The following AHRR variants were observed in gnomAD, a reference collection of about 807,000 sequenced individuals.
AHRR encodes the protein aryl hydrocarbon receptor repressor.
AHRR carries 28 observed loss-of-function variants against 44.0 expected under a neutral mutation model. The ratio of observed to expected loss-of-function variants is 0.64; its 90% confidence interval spans 0.47 to 0.87. The LOEUF is 0.87. AHRR is among the 40% of genes least tolerant of loss of function. AHRR has a pLI of 0.00. For missense variants in AHRR, 990 were observed against 953.9 expected, an observed-to-expected ratio of 1.04 and a Z score of -0.50; for synonymous variants, 434 against 407.0, an observed-to-expected ratio of 1.07 and a Z score of -0.80.
chr5:340,073 T>C (rs10057272), intron 1 of AHRR, among the ~76,000 whole-genome samples: 6,296 of 152,284 alleles, frequency 0.041, 178 homozygotes, highest in South Asian at 0.059. Flanking sequence ...AAGTCGACAA[T>C]TTTAAATTTT....
chr5:356,348 G>A (rs1743045724), intron 3 of AHRR, among the ~76,000 whole-genome samples: 1 of 152,228 alleles, frequency 6.6e-6, no homozygotes. Flanking sequence ...ACACTGACCA[G>A]GAAGGGTCCA....
At chr5:345,968 C>T (rs960707358) in intron 2 of AHRR, among the ~76,000 whole-genome samples, 5 of 152,202 alleles carry the variant, frequency 3.3e-5, no homozygotes, top group Non-Finnish European at 5.9e-5. Context: ...CGGCCAAGGC[C>T]TCGCACTCTC....
intron 5 of AHRR, among the ~76,000 whole-genome samples, chr5:420,334 C>T (rs552885254): frequency 6.6e-6 from 1 of 152,334 alleles, no homozygotes; most frequent in African/African-American, 2.4e-5. Flanking sequence ...CCAACGAAGA[C>T]AATCCCCTGG....
At chr5:329,012 G>C (rs1484654422) in intron 1 of AHRR, among the ~76,000 whole-genome samples, 1 of 152,146 alleles carries the variant, frequency 6.6e-6, no homozygotes, top group Non-Finnish European at 1.5e-5. Context: ...GGAGAGACCT[G>C]GTGGGAAGTG....
chr5:340,566 ACC>A (rs1742292723), intron 1 of AHRR, among the ~76,000 whole-genome samples: 1 of 147,914 alleles, frequency 6.8e-6, no homozygotes, highest in Non-Finnish European at 1.5e-5. Context: ...TACCTTAATC[ACC>A]TATGAGGGTA....
intron 4 of AHRR, among the ~76,000 whole-genome samples, chr5:397,895 T>C (rs866046474): frequency 1.2e-4 from 8 of 66,062 alleles, no homozygotes; most frequent in South Asian, 1.3e-3. Context: ...TCCACGTAGC[T>C]CCTGACCATC....
At position 411,620 on chromosome 5, in the gene AHRR, T is replaced by C. The variant is rs1488972028; in HGVS notation, c.352-1724T>C. On this transcript the variant is annotated intron_variant, in intron 4 of 10. Transcript: ENST00000684583. The surrounding 1 kb of genome is among the most constrained non-coding windows in gnomAD (Gnocchi z 4.2). Reference sequence around the variant, plus strand: ...CATTAGTAATCAAAGAAATGAAAACTATAATGGTAAAATAATTTATCTCTT... The same window carrying C: ...CATTAGTAATCAAAGAAATGAAAACCATAATGGTAAAATAATTTATCTCTT... Among the ~76,000 whole-genome samples, 1 of 152,134 alleles carries C rather than the reference T, an allele frequency of 6.6e-6. No homozygotes were observed. Among genetic ancestry groups the C allele is most frequent in the African/African-American group, 2.4e-5 (1 of 41,414 alleles).
intron 4 of AHRR, among the ~76,000 whole-genome samples, chr5:396,054 C>T (rs1172877109): frequency 1.3e-5 from 2 of 152,082 alleles, no homozygotes; most frequent in Non-Finnish European, 2.9e-5. Flanking sequence ...GTGGGGGTAC[C>T]GGGGAAACGA....
Position 404,141 on chromosome 5 carries a change from G to A in AHRR, c.352-9203G>A, listed in dbSNP as rs1735154598. On this transcript the variant is annotated intron_variant, in intron 4 of 10. Transcript: ENST00000684583. This position sits in a 1 kb window ranked among gnomAD's most constrained non-coding sequence, Gnocchi z 4.1. ...GGGTTACCCTTCTCCGTCTCTCTCA[G>A]CCTCAGCCGTTCCTGGTGGGTCTGC... 2 of 539,358 alleles carry A rather than the reference G, an allele frequency of 3.7e-6. No homozygotes were observed. The highest frequency in any genetic ancestry group is 7.1e-6 in the Non-Finnish European group (2 of 282,568). 33.4% of individuals were successfully genotyped at this position (539,358 alleles called of 1,614,324 possible). A position where few individuals can be genotyped will look rare whatever the true frequency, so the allele number is the denominator to read the frequency against.
chr5:405,809 G>T lies in AHRR; in HGVS notation c.352-7535G>T, dbSNP rs146096390. ...TCTTTTATATTTTCACGGCACGTGT[G>T]ACTTTTCTTTTTGGATACTTTACTG... On this transcript the variant is annotated intron_variant, in intron 4 of 10. Transcript: ENST00000684583. The surrounding 1 kb of genome is among the most constrained non-coding windows in gnomAD (Gnocchi z 4.5). Among the ~76,000 whole-genome samples, 78 of 152,368 alleles carry T rather than the reference G, an allele frequency of 5.1e-4. No individual in the cohort carries two copies. The East Asian group carries it at 8.3e-3, about 16-fold the overall frequency.
intron 4 of AHRR, among the ~76,000 whole-genome samples, chr5:398,839 G>C (rs1251373601): frequency 6.6e-6 from 1 of 152,216 alleles, no homozygotes; most frequent in African/African-American, 2.4e-5. Flanking sequence ...CTGTGGGTCT[G>C]TGTGTGGCCC....
At position 412,197 on chromosome 5, in the gene AHRR, G is replaced by A. The variant is rs138535266; in HGVS notation, c.352-1147G>A. Among the ~76,000 whole-genome samples the A allele has an allele frequency of 1.3e-3, 194 of 152,258 alleles. 7 individuals are homozygous for A. The South Asian group carries it at 0.029, about 23-fold the overall frequency. On this transcript the variant is annotated intron_variant, in intron 4 of 10. Transcript: ENST00000684583. Reference sequence around the variant, plus strand: ...TGCAAATATTGTGAATAACATACACGAATGAATTTAACATCAAGATGAAAT... The same window carrying A: ...TGCAAATATTGTGAATAACATACACAAATGAATTTAACATCAAGATGAAAT...
chr5:399,223 G>C (rs6887131), intron 4 of AHRR, among the ~76,000 whole-genome samples: 15 of 152,188 alleles, frequency 9.9e-5, no homozygotes, highest in Non-Finnish European at 1.5e-4. Flanking sequence ...CACCCAGGGC[G>C]TGGGGTCCCA....
chr5:324,634 CA>C (rs1741638771), intron 1 of AHRR, among the ~76,000 whole-genome samples: 1 of 151,578 alleles, frequency 6.6e-6, no homozygotes, highest in South Asian at 2.1e-4. Flanking sequence ...TAAAAAAATA[CA>C]AAAATTAGCC....
chr5:405,826 A>G lies in AHRR; in HGVS notation c.352-7518A>G, dbSNP rs1385638163. 2.6e-5 allele frequency among the ~76,000 whole-genome samples: 4 copies of G among 152,164 alleles called. No individual in the cohort carries two copies. The highest frequency in any genetic ancestry group is 2.6e-4 in the Admixed American group (4 of 15,280). ...GCACGTGTGACTTTTCTTTTTGGAT[A>G]CTTTACTGATTGAAAAATATGGCTT... On this transcript the variant is annotated intron_variant, in intron 4 of 10. Transcript: ENST00000684583. The surrounding 1 kb of genome is among the most constrained non-coding windows in gnomAD (Gnocchi z 4.5).
intron 10 of AHRR, among the ~76,000 whole-genome samples, chr5:433,370 G>A (rs1736829633): frequency 6.6e-6 from 1 of 152,134 alleles, no homozygotes; most frequent in Non-Finnish European, 1.5e-5. Flanking sequence ...GTGCCCCACA[G>A]GCCCCTCCCC....
intron 1 of AHRR, among the ~76,000 whole-genome samples, chr5:328,678 C>G (rs978116400): frequency 2.0e-5 from 3 of 152,122 alleles, no homozygotes; most frequent in Non-Finnish European, 4.4e-5. Flanking sequence ...TGTATCTCTT[C>G]TTTTAAAAAC....
In AHRR at chr5:433,856, CAG is replaced by C; in HGVS notation, c.1117_1118del (p.Arg373GlyfsTer36). On this transcript the variant is annotated frameshift_variant, in exon 11 of 11. Transcript: ENST00000684583. ...VLDPKGGSGD[R>X]EEEQHRMLSR... The stretch of plus-strand genomic sequence containing the variant: ...GGGCCCCGTCTTTTCTCTGCAGGGA[CAG>C]GGAGGAGGAGCAGCACAGGATGCTG... 1 of 1,492,568 alleles carries C rather than the reference CAG, an allele frequency of 6.7e-7. No homozygotes were observed. The highest frequency in any genetic ancestry group is 1.4e-5 in the African/African-American group (1 of 70,230). 92.5% of individuals were successfully genotyped at this position (1,492,568 alleles called of 1,614,324 possible). A position where few individuals can be genotyped will look rare whatever the true frequency, so the allele number is the denominator to read the frequency against.
At chr5:364,831 G>A (rs550031984) in intron 3 of AHRR, among the ~76,000 whole-genome samples, 19 of 152,024 alleles carry the variant, frequency 1.2e-4, no homozygotes, top group Admixed American at 2.6e-4. Flanking sequence ...ATAACTGAAG[G>A]AAATATGATG....
Sources: allele counts gnomAD v4.1 joint callset (sites outside exome capture counted in the v4.1 genomes callset), GRCh38; gene constraint gnomAD v4.1.1; non-coding constraint Gnocchi (gnomAD v3.1); transcripts MANE v1.5; gene names NCBI Gene and HGNC (gene_info 2026-07-23, HGNC 2026-07-21).